PCDH15: variants seen among roughly 807,000 people sequenced by gnomAD.
PCDH15 encodes protocadherin-15.
Under a neutral mutation model 178.5 loss-of-function variants are expected in PCDH15, and 129 were observed. That is an observed-to-expected ratio of 0.72 (90% CI 0.63 to 0.84). PCDH15 has a LOEUF of 0.84. Ranked by LOEUF, PCDH15 falls within the 40% of genes least tolerant of loss-of-function variation. PCDH15 has a pLI of 0.00. For missense variants in PCDH15, 2,230 were observed against 2,099.9 expected (o/e 1.06, Z -1.21); for synonymous variants, 800 against 732.0 (o/e 1.09, Z -1.50).
intron 11 of PCDH15, among the ~76,000 whole-genome samples, chr10:54,194,260 T>C (rs964563066): frequency 9.9e-5 from 15 of 152,104 alleles, no homozygotes; most frequent in Admixed American, 2.6e-4. Flanking sequence ...TATAAAGCTA[T>C]GTGTAATGAG....
rs114292135 is a variant in PCDH15 at position 54,044,653 on chromosome 10, G to A, written c.2221-21456C>T. ...ATCATAGCAATCAGCAAAAAACAAC[G>A]TCAAATAAGCTGCTACGAAGTGCAA... On this transcript the variant is annotated intron_variant, in intron 18 of 37. Transcript: ENST00000644397. 8.0e-3 allele frequency among the ~76,000 whole-genome samples: 1,212 copies of A among 152,190 alleles called. 16 individuals are homozygous for A. Among genetic ancestry groups the A allele is most frequent in the African/African-American group, 0.024 (985 of 41,538 alleles).
In PCDH15 at chr10:54,622,617, TAATA is replaced by T. The variant is rs1565776429; in HGVS notation, c.91+41551_91+41554del. Among the ~76,000 whole-genome samples, 19 of 45,260 alleles carry T rather than the reference TAATA, an allele frequency of 4.2e-4. 2 individuals are homozygous for T. The highest frequency in any genetic ancestry group is 1.5e-3 in the Admixed American group (4 of 2,720). 29.7% of individuals were successfully genotyped at this position (45,260 alleles called of 152,430 possible). A position where few individuals can be genotyped will look rare whatever the true frequency, so the allele number is the denominator to read the frequency against. ...AATATATAATATATATAATTATATA[TAATA>T]TATATAATATATATTATATAATTAT... On this transcript the variant is annotated intron_variant, in intron 2 of 37. Transcript: ENST00000644397.
chr10:53,813,175 TCTC>T (rs1165109819), intron 35 of PCDH15, among the ~76,000 whole-genome samples: 1 of 152,194 alleles, frequency 6.6e-6, no homozygotes, highest in Non-Finnish European at 1.5e-5. Flanking sequence ...AAGCATGTCC[TCTC>T]CTGTTTATGA....
intron 22 of PCDH15, among the ~76,000 whole-genome samples, chr10:53,960,139 T>TTA (rs2088140389): frequency 6.6e-6 from 1 of 152,164 alleles, no homozygotes; most frequent in Non-Finnish European, 1.5e-5. Flanking sequence ...AACAAGTGTA[T>TTA]TATACTATAT....
intron 8 of PCDH15, among the ~76,000 whole-genome samples, chr10:54,297,967 A>G (rs1479209622): frequency 6.6e-6 from 1 of 152,206 alleles, no homozygotes; most frequent in Non-Finnish European, 1.5e-5. Context: ...GAAGAAAGGG[A>G]CAAATTCCCT....
At chr10:53,992,598 A>T (rs1242451964) in intron 21 of PCDH15, among the ~76,000 whole-genome samples, 1 of 152,166 alleles carries the variant, frequency 6.6e-6, no homozygotes, top group Non-Finnish European at 1.5e-5. Context: ...TGTTCCCCAA[A>T]ATCTCCTCAT....
At chr10:55,267,165 GA>G (rs1842320800) in intron 1 of PCDH15, among the ~76,000 whole-genome samples, 1 of 152,052 alleles carries the variant, frequency 6.6e-6, no homozygotes, top group Non-Finnish European at 1.5e-5. Flanking sequence ...AACAAAAAAA[GA>G]AAGAAATGTA....
At chr10:55,314,698 A>G (rs988045624) in intron 1 of PCDH15, among the ~76,000 whole-genome samples, 1 of 152,190 alleles carries the variant, frequency 6.6e-6, no homozygotes, top group Non-Finnish European at 1.5e-5. Flanking sequence ...CATCAAATGT[A>G]GTAGAATTGT....
chr10:54,871,845 T>A (rs1006169542), intron 3 of PCDH15, among the ~76,000 whole-genome samples: 2 of 152,122 alleles, frequency 1.3e-5, no homozygotes, highest in African/African-American at 4.8e-5. Flanking sequence ...CATCCATGAA[T>A]ATTTTTCCCT....
At chr10:54,580,523 A>G (rs1260253548) in intron 2 of PCDH15, among the ~76,000 whole-genome samples, 1 of 152,124 alleles carries the variant, frequency 6.6e-6, no homozygotes, top group Non-Finnish European at 1.5e-5. Flanking sequence ...GCAGAAATAC[A>G]AAGAAGTCCT....
chr10:55,064,963 G>A (rs11004720), intron 2 of PCDH15, among the ~76,000 whole-genome samples: 69,892 of 151,710 alleles, frequency 0.46, 17,618 homozygotes, highest in East Asian at 0.74. Context: ...TCAATGAGAT[G>A]TTATTTTTCT....
At chr10:54,308,796 C>G (rs1811804819) in intron 8 of PCDH15, among the ~76,000 whole-genome samples, 1 of 151,880 alleles carries the variant, frequency 6.6e-6, no homozygotes, top group African/African-American at 2.4e-5. Context: ...CCCCGACCCC[C>G]AGACAGGCCC....
intron 2 of PCDH15, among the ~76,000 whole-genome samples, chr10:55,397,841 G>A (rs547413546): frequency 6.6e-5 from 10 of 151,744 alleles, no homozygotes; most frequent in South Asian, 2.1e-4. Context: ...CGCCCGCCTC[G>A]GCCTCTCAAA....
chr10:54,227,276 G>A (rs865804758), intron 9 of PCDH15, among the ~76,000 whole-genome samples: 4 of 152,220 alleles, frequency 2.6e-5, no homozygotes, highest in Admixed American at 1.3e-4. Context: ...CTGAAATCTA[G>A]GTGGAGCTTC....
chr10:54,844,648 T>C (rs917452609), intron 3 of PCDH15, among the ~76,000 whole-genome samples: 1 of 152,008 alleles, frequency 6.6e-6, no homozygotes, highest in African/African-American at 2.4e-5. Flanking sequence ...ATTAATAATT[T>C]TTCAGAAATA....
At chr10:54,663,516 C>A (rs2135414017) in intron 2 of PCDH15, among the ~76,000 whole-genome samples, 1 of 150,160 alleles carries the variant, frequency 6.7e-6, no homozygotes, top group African/African-American at 2.4e-5. Flanking sequence ...ATTGAAATAT[C>A]TAAGACAGGC....
chr10:54,594,730 C>G (rs2092110368), intron 2 of PCDH15, among the ~76,000 whole-genome samples: 1 of 152,118 alleles, frequency 6.6e-6, no homozygotes, highest in African/African-American at 2.4e-5. Flanking sequence ...ACACATGTAC[C>G]ATGCCATGCC....
chr10:55,419,101 A>T (rs1177813151), intron 2 of PCDH15, among the ~76,000 whole-genome samples: 1 of 151,726 alleles, frequency 6.6e-6, no homozygotes. Flanking sequence ...GCCCAGCATA[A>T]TAAACTTCCT....
At chr10:55,426,532 G>A (rs1434123688) in intron 2 of PCDH15, among the ~76,000 whole-genome samples, 4 of 152,146 alleles carry the variant, frequency 2.6e-5, no homozygotes, top group African/African-American at 9.7e-5. Flanking sequence ...TAGCCCCAGA[G>A]GGAGTGTTAC....
Sources: gnomAD v4.1 joint callset for allele counts (sites outside exome capture counted in the v4.1 genomes callset) on GRCh38, gnomAD v4.1.1 for gene constraint, MANE v1.5 for transcripts, NCBI Gene and HGNC (gene_info 2026-07-23, HGNC 2026-07-21) for gene names.